Variants in MPPED2 observed in about 807,000 individuals in gnomAD.
The protein encoded by MPPED2 is metallophosphoesterase MPPED2.
Under a neutral mutation model 33.0 loss-of-function variants are expected in MPPED2, and 5 were observed. The observed-to-expected ratio is 0.15, with a 90% confidence interval of 0.08 to 0.32. MPPED2 has a LOEUF of 0.32. Among genes scored for constraint, MPPED2 ranks in the 10% least tolerant of loss-of-function variants. The probability of loss-of-function intolerance (pLI) is 1.00; values close to 1 mark genes in which losing one functional copy is unlikely to be tolerated. For missense variants in MPPED2, 275 were observed against 372.1 expected (o/e 0.74, Z 2.15); for synonymous variants, 136 against 141.9 (o/e 0.96, Z 0.29).
chr11:30,410,017 A>G (rs1948048895), downstream of MPPED2: 1 of 777,248 alleles, frequency 1.3e-6, no homozygotes, highest in Non-Finnish European at 1.6e-6. Flanking sequence ...TGACAGCATG[A>G]TGGAAGGAAA....
chr11:30,439,183 A>G (rs1949454196), intron 4 of MPPED2, among the ~76,000 whole-genome samples: 1 of 152,226 alleles, frequency 6.6e-6, no homozygotes, highest in African/African-American at 2.4e-5. Flanking sequence ...AAATTCAGAA[A>G]AGAACAAAAC....
chr11:30,575,881 C>A (rs1406141860), intron 2 of MPPED2, among the ~76,000 whole-genome samples: 1 of 152,154 alleles, frequency 6.6e-6, no homozygotes, highest in Non-Finnish European at 1.5e-5. Context: ...CCCTGACAAA[C>A]CAAAATCCCA....
chr11:30,545,749 A>G (rs948507105), intron 2 of MPPED2, among the ~76,000 whole-genome samples: 1 of 152,150 alleles, frequency 6.6e-6, no homozygotes, highest in African/African-American at 2.4e-5. Context: ...ATGACTGCTC[A>G]ATGTCTGCTT....
chr11:30,485,194 A>AAGTG (rs1951664207), intron 4 of MPPED2, among the ~76,000 whole-genome samples: 1 of 152,184 alleles, frequency 6.6e-6, no homozygotes, highest in Admixed American at 6.5e-5. Context: ...TTTGCAAAAT[A>AAGTG]AGTGTCCTTG....
exon 7 of MPPED2, chr11:30,387,870 C>G (rs666936): frequency 0.98 from 149,109 of 152,398 alleles, 72,969 homozygotes; most frequent in East Asian, 1. Flanking sequence ...TAGAGTTCAA[C>G]AGTAGGGATC....
exon 7 of MPPED2, chr11:30,388,762 C>T (rs920611503): frequency 8.0e-7 from 1 of 1,253,926 alleles, no homozygotes; most frequent in Non-Finnish European, 1.0e-6. Context: ...TTGTCTTCAC[C>T]AAGGAGAGGC....
intron 2 of MPPED2, among the ~76,000 whole-genome samples, chr11:30,547,470 G>A (rs1161750866): frequency 6.6e-6 from 1 of 152,140 alleles, no homozygotes; most frequent in South Asian, 2.1e-4. Flanking sequence ...GTATGGCTAT[G>A]TGTGTGTGAT....
At chr11:30,548,242 GTC>G (rs1050737925) in intron 2 of MPPED2, among the ~76,000 whole-genome samples, 3 of 151,802 alleles carry the variant, frequency 2.0e-5, no homozygotes, top group South Asian at 4.2e-4. Context: ...AACTGACGGG[GTC>G]TCTCTCTCTC....
intron 2 of MPPED2, among the ~76,000 whole-genome samples, chr11:30,541,162 C>T (rs970101136): frequency 6.6e-6 from 1 of 152,194 alleles, no homozygotes; most frequent in Non-Finnish European, 1.5e-5. Context: ...TGTGCCAAGC[C>T]TCAAATCTTG....
intron 3 of MPPED2, among the ~76,000 whole-genome samples, chr11:30,517,831 T>C (rs1953620949): frequency 6.6e-6 from 1 of 152,140 alleles, no homozygotes; most frequent in Non-Finnish European, 1.5e-5. Flanking sequence ...ATAATTACCT[T>C]AGTAAAATCA....
chr11:30,497,664 A>G (rs1008611485), intron 3 of MPPED2, among the ~76,000 whole-genome samples: 15 of 151,004 alleles, frequency 9.9e-5, no homozygotes, highest in African/African-American at 3.0e-4. Context: ...CACTATGGCA[A>G]AGGAAGTATA....
chr11:30,458,859 A>G (rs1373194470), intron 4 of MPPED2, among the ~76,000 whole-genome samples: 1 of 150,628 alleles, frequency 6.6e-6, no homozygotes, highest in African/African-American at 2.4e-5. Flanking sequence ...TATGTTAACT[A>G]CGGACATCTA....
intron 4 of MPPED2, chr11:30,425,730 C>G (rs1948806745): frequency 6.6e-6 from 1 of 152,050 alleles, no homozygotes; most frequent in African/African-American, 2.4e-5. Context: ...AAGGGCTGGT[C>G]CTGCTCAGCC....
intron 3 of MPPED2, among the ~76,000 whole-genome samples, chr11:30,526,685 C>T (rs1954198812): frequency 1.4e-5 from 2 of 145,578 alleles, no homozygotes; most frequent in Admixed American, 1.4e-4. Flanking sequence ...GCCTGGGCTA[C>T]AGAGCAAGAA....
chr11:30,475,584 A>G (rs899781514), intron 4 of MPPED2, among the ~76,000 whole-genome samples: 2 of 152,216 alleles, frequency 1.3e-5, no homozygotes, highest in Admixed American at 1.3e-4. Flanking sequence ...TTCATTCAAT[A>G]TAATGATCTT....
intron 6 of MPPED2, among the ~76,000 whole-genome samples, chr11:30,393,225 T>G (rs1340613972): frequency 2.6e-5 from 4 of 152,106 alleles, no homozygotes; most frequent in Non-Finnish European, 1.5e-5. Context: ...CCACCCTCTG[T>G]GTCCTTCCTA....
intron 2 of MPPED2, among the ~76,000 whole-genome samples, chr11:30,565,391 A>G (rs373297887): frequency 3.0e-4 from 46 of 152,250 alleles, no homozygotes; most frequent in African/African-American, 1.1e-3. Flanking sequence ...ATTTTCATAT[A>G]CTAAGGAGCA....
At chr11:30,482,415 T>G (rs889743201) in intron 4 of MPPED2, among the ~76,000 whole-genome samples, 1 of 152,160 alleles carries the variant, frequency 6.6e-6, no homozygotes, top group African/African-American at 2.4e-5. Flanking sequence ...TAAGAATGCT[T>G]TTACTGGAAT....
intron 2 of MPPED2, among the ~76,000 whole-genome samples, chr11:30,575,330 C>T (rs1236775799): frequency 4.6e-5 from 7 of 152,158 alleles, no homozygotes; most frequent in African/African-American, 7.2e-5. Flanking sequence ...TATATATTAT[C>T]ATAAAATCTA....
Sources: gnomAD v4.1 joint callset for allele counts (sites outside exome capture counted in the v4.1 genomes callset) on GRCh38, gnomAD v4.1.1 for gene constraint, MANE v1.5 for transcripts, NCBI Gene and HGNC (gene_info 2026-07-23, HGNC 2026-07-21) for gene names.